The following FARP1 variants were observed in gnomAD, a reference collection of about 807,000 sequenced individuals.
FARP1 encodes the protein FERM, ARH/RhoGEF and pleckstrin domain protein 1, also known as FERM, ARHGEF and pleckstrin domain-containing protein 1.
In FARP1, 52 loss-of-function variants were observed where a neutral mutation model predicts 128.8. That is an observed-to-expected ratio of 0.40 (90% confidence interval 0.32 to 0.51). The LOEUF is 0.51. Among genes scored for constraint, FARP1 ranks in the 20% least tolerant of loss-of-function variants. The pLI is 0.45. For missense variants in FARP1, 1,333 were observed against 1,367.9 expected (o/e 0.97, Z 0.40); for synonymous variants, 580 against 551.8 (o/e 1.05, Z -0.72).
intron 2 of FARP1, among the ~76,000 whole-genome samples, chr13:98,260,153 C>G (rs556579871): frequency 6.6e-6 from 1 of 152,110 alleles, no homozygotes; most frequent in Non-Finnish European, 1.5e-5. Flanking sequence ...AAAGCACACA[C>G]ACACGCCCCT....
chr13:98,226,943 C>CT (rs1881814048), intron 2 of FARP1, among the ~76,000 whole-genome samples: 1 of 151,578 alleles, frequency 6.6e-6, no homozygotes, highest in South Asian at 2.1e-4. Flanking sequence ...TTCTTTCTTT[C>CT]TTTCTTTTTT....
At chr13:98,411,035 A>G (rs558204167) in intron 15 of FARP1, among the ~76,000 whole-genome samples, 1 of 152,334 alleles carries the variant, frequency 6.6e-6, no homozygotes, top group South Asian at 2.1e-4. Flanking sequence ...TTTCAAGTGC[A>G]AAAGAAGGAA....
intron 17 of FARP1, among the ~76,000 whole-genome samples, chr13:98,426,244 T>G (rs147919801): frequency 2.6e-5 from 4 of 152,286 alleles, no homozygotes; most frequent in African/African-American, 9.6e-5. Flanking sequence ...TCCTAGCAAT[T>G]TGGGAGGCTA....
chr13:98,178,047 A>T (rs929857518), intron 1 of FARP1: 8 of 152,278 alleles, frequency 5.3e-5, no homozygotes, highest in African/African-American at 1.9e-4. Context: ...GTGGGTGTGT[A>T]GCTGGCTTTC....
chr13:98,267,488 C>A (rs917505242), intron 2 of FARP1, among the ~76,000 whole-genome samples: 1 of 152,114 alleles, frequency 6.6e-6, no homozygotes, highest in Non-Finnish European at 1.5e-5. Flanking sequence ...ACGCTCCCAC[C>A]CCCCCATATC....
chr13:98,364,344 C>T (rs1888995999), intron 3 of FARP1, among the ~76,000 whole-genome samples: 1 of 152,080 alleles, frequency 6.6e-6, no homozygotes, highest in Admixed American at 6.6e-5. Context: ...TATAAACATG[C>T]AAGCAAGTGT....
At chr13:98,315,563 G>A (rs1228625770) in intron 2 of FARP1, among the ~76,000 whole-genome samples, 1 of 152,214 alleles carries the variant, frequency 6.6e-6, no homozygotes, top group Non-Finnish European at 1.5e-5. Context: ...AGAACAGGTG[G>A]CCTTTCATGA....
At chr13:98,257,862 T>G (rs1021232850) in intron 2 of FARP1, among the ~76,000 whole-genome samples, 1 of 152,230 alleles carries the variant, frequency 6.6e-6, no homozygotes, top group Non-Finnish European at 1.5e-5. Context: ...TGCTACTATG[T>G]TTTATGTTGA....
Position 98,453,413 on chromosome 13 carries a change from G to T in FARP1, c.*5096G>T. ...TCATGATTCTTACACAAAAACTCCA[G>T]AGCATGTCACCAAAAACCAAGAATG... On this transcript the variant is annotated 3_prime_UTR_variant, in exon 27 of 27. Coordinates refer to ENST00000319562, the MANE Select transcript of FARP1 (RefSeq NM_005766.4). The T allele has an allele frequency of 1.7e-6, 1 of 578,830 alleles. No individual in the cohort carries two copies. 35.9% of individuals were successfully genotyped at this position (578,830 alleles called of 1,614,324 possible).
intron 24 of FARP1, among the ~76,000 whole-genome samples, chr13:98,444,189 T>C (rs1204490677): frequency 1.3e-5 from 2 of 152,134 alleles, no homozygotes; most frequent in Non-Finnish European, 1.5e-5. Flanking sequence ...ATCTGCACTC[T>C]AATATCCTCT....
rs1291906678 is a variant in FARP1, at chr13:98,411,895, T to C, written c.1693-6T>C. ...ACCCGTAAGTGCATCGTCTTCTTCT[T>C]TCCAGTGGTTTCAGAGCACAGTGAG... On this transcript the variant is annotated splice_polypyrimidine_tract_variant and splice_region_variant and intron_variant, in intron 15 of 26. Coordinates refer to ENST00000319562, the MANE Select transcript of FARP1 (RefSeq NM_005766.4). 6.2e-7 allele frequency: 1 copy of C among 1,613,632 alleles called. No individual in the cohort carries two copies. The highest frequency in any genetic ancestry group is 8.5e-7 in the Non-Finnish European group (1 of 1,179,812).
intron 2 of FARP1, among the ~76,000 whole-genome samples, chr13:98,231,718 A>C (rs1176266595): frequency 6.6e-6 from 1 of 152,094 alleles, no homozygotes; most frequent in African/African-American, 2.4e-5. Context: ...GTGAGCCACC[A>C]CACCCGGCCT....
intron 1 of FARP1, among the ~76,000 whole-genome samples, chr13:98,180,877 G>C (rs1009815828): frequency 1.2e-4 from 18 of 152,220 alleles, no homozygotes; most frequent in African/African-American, 4.1e-4. Flanking sequence ...TCTCCATAAT[G>C]TGCATTTTAA....
intron 2 of FARP1, among the ~76,000 whole-genome samples, chr13:98,267,354 T>C (rs1212252633): frequency 6.6e-6 from 1 of 152,222 alleles, no homozygotes; most frequent in Non-Finnish European, 1.5e-5. Flanking sequence ...GGGCCGGTTG[T>C]GTCGGCCGAG....
intron 8 of FARP1, 174 bp downstream of exon 8, chr13:98,385,988 T>C: frequency 1.6e-6 from 1 of 631,510 alleles, no homozygotes; most frequent in East Asian, 2.8e-5. Context: ...AGCTCCCAGA[T>C]TCTATTTCAC....
At chr13:98,378,674 C>CACT (rs1428263825) in intron 6 of FARP1, among the ~76,000 whole-genome samples, 1 of 151,444 alleles carries the variant, frequency 6.6e-6, no homozygotes, top group Admixed American at 6.6e-5. Flanking sequence ...GTGCCTAGTT[C>CACT]ACTAGATTTA....
At chr13:98,368,230 A>G (rs758638628) in intron 5 of FARP1, 35 bp downstream of exon 5, 30 of 1,461,186 alleles carry the variant, frequency 2.1e-5, no homozygotes, top group African/African-American at 5.6e-5. Context: ...TTTTTGCTAC[A>G]GAGTACAGAG....
At chr13:98,351,210 G>T (rs1475023524) in intron 3 of FARP1, among the ~76,000 whole-genome samples, 1 of 152,010 alleles carries the variant, frequency 6.6e-6, no homozygotes, top group African/African-American at 2.4e-5. Flanking sequence ...CTTCTGAATG[G>T]CAGTGGCCTG....
chr13:98,375,714 C>T (rs568513221), intron 5 of FARP1, among the ~76,000 whole-genome samples: 58 of 152,236 alleles, frequency 3.8e-4, no homozygotes, highest in South Asian at 1.5e-3. Context: ...CTGCAACCTC[C>T]ACCTCCCGGA....
Sources: gnomAD v4.1 joint callset for allele counts (sites outside exome capture counted in the v4.1 genomes callset) on GRCh38, gnomAD v4.1.1 for gene constraint, MANE v1.5 for transcripts, NCBI Gene and HGNC (gene_info 2026-07-23, HGNC 2026-07-21) for gene names.